The following RAB7B variants were observed in gnomAD, a reference collection of about 807,000 sequenced individuals.
RAB7B encodes the protein ras-related protein Rab-7b.
intron 1 of RAB7B, among the ~76,000 whole-genome samples, chr1:205,998,019 C>T (rs1252890553): frequency 2.0e-5 from 3 of 152,150 alleles, no homozygotes; most frequent in Non-Finnish European, 4.4e-5. Context: ...CTCACCCAAG[C>T]CTGCACAGGG....
intron 1 of RAB7B, among the ~76,000 whole-genome samples, chr1:206,001,939 C>T (rs1660899430): frequency 6.6e-6 from 1 of 152,168 alleles, no homozygotes. Context: ...TCTTCTGTCG[C>T]ATCTGCATTG....
At chr1:206,002,810 G>A (rs977875561) in intron 1 of RAB7B, among the ~76,000 whole-genome samples, 70 of 152,262 alleles carry the variant, frequency 4.6e-4, no homozygotes, top group Middle Eastern at 3.4e-3. Context: ...CTACTCCAGG[G>A]GCCAAGCTTC....
chr1:205,983,441 C>T (rs989039876), intron 5 of RAB7B, among the ~76,000 whole-genome samples: 1 of 152,188 alleles, frequency 6.6e-6, no homozygotes, highest in African/African-American at 2.4e-5. Flanking sequence ...TCACACCCCC[C>T]ACAGCACTCA....
intron 5 of RAB7B, 90 bp downstream of exon 5, chr1:205,985,450 C>T: frequency 2.5e-6 from 1 of 397,878 alleles, no homozygotes; most frequent in African/African-American, 2.1e-5. Flanking sequence ...ACATCCCTGC[C>T]CACACCCAAG....
Position 205,978,882 on chromosome 1 carries a change from G to A in RAB7B, c.569C>T (p.Ser190Leu), listed in dbSNP as rs1660434986. Residue 190 changes from serine to leucine, a missense_variant, in exon 6 of 6, where the codon TCG becomes TTG. By Grantham distance (145) the Ser-to-Leu change is moderately radical (BLOSUM62 -2). Coordinates refer to ENST00000617070, the MANE Select transcript of RAB7B (RefSeq NM_001164522.3). The part of the protein sequence containing the change: ...ENHLTESIKL[S>L]PDQSRSRCC ...GCATCTGCTCCTTGACTGGTCTGGC[G>A]AGAGCTTGATGGATTCTGTGAGGTG... The A allele has an allele frequency of 1.3e-5, 5 of 398,644 alleles. No homozygotes were observed. Among genetic ancestry groups the A allele is most frequent in the Non-Finnish European group, 4.4e-6 (1 of 226,208 alleles). The allele number at this position is 398,644 out of a possible 1,614,324, so 24.7% of individuals were successfully genotyped here.
chr1:205,989,245 C>T lies in RAB7B; in HGVS notation c.396+3235G>A, dbSNP rs894482129. 1.8e-3 allele frequency among the ~76,000 whole-genome samples: 277 copies of T among 152,264 alleles called. 4 individuals carry two copies. Among genetic ancestry groups the T allele is most frequent in the African/African-American group, 6.2e-3 (257 of 41,548 alleles). On this transcript the variant is annotated intron_variant, in intron 4 of 5. Coordinates refer to ENST00000617070, the MANE Select transcript of RAB7B (RefSeq NM_001164522.3). ...CCCCAGCGCCCCCTCTTGCCTTCCC[C>T]ACTGGGGCTATTTGCAGACTTTACT...
intron 5 of RAB7B, among the ~76,000 whole-genome samples, chr1:205,979,544 G>T (rs1660448571): frequency 3.9e-5 from 6 of 152,054 alleles, no homozygotes; most frequent in Admixed American, 3.9e-4. Flanking sequence ...CCAAGAGCCT[G>T]CCCCCCCTCC....
intron 4 of RAB7B, among the ~76,000 whole-genome samples, chr1:205,986,552 C>T (rs1660611749): frequency 6.6e-6 from 1 of 152,220 alleles, no homozygotes; most frequent in Non-Finnish European, 1.5e-5. Flanking sequence ...GGGTCAGGAG[C>T]TCAGCTCCTG....
At chr1:205,991,800 T>G (rs910279157) in intron 4 of RAB7B, among the ~76,000 whole-genome samples, 36,033 of 152,156 alleles carry the variant, frequency 0.24, 4,489 homozygotes, top group Non-Finnish European at 0.25. Flanking sequence ...CTTTTACAAA[T>G]TCAGTCTACC....
intron 3 of RAB7B, 79 bp from the exon 4 acceptor site, chr1:205,992,774 G>C (rs1053239508): frequency 5.0e-6 from 2 of 398,072 alleles, no homozygotes; most frequent in South Asian, 1.3e-4. Flanking sequence ...TCATGTCAAG[G>C]CTTCTTTTGC....
At chr1:205,984,730 C>A (rs1196428264) in intron 5 of RAB7B, among the ~76,000 whole-genome samples, 1 of 152,210 alleles carries the variant, frequency 6.6e-6, no homozygotes. Flanking sequence ...AATGTCATTG[C>A]CCCTTTCTGT....
chr1:205,996,385 T>G (rs932482059), intron 1 of RAB7B, among the ~76,000 whole-genome samples: 7 of 152,284 alleles, frequency 4.6e-5, no homozygotes, highest in African/African-American at 1.4e-4. Flanking sequence ...CCCCTGCTAC[T>G]TGGAAAAAGC....
At chr1:205,982,949 G>A in intron 5 of RAB7B, among the ~76,000 whole-genome samples, 1 of 152,294 alleles carries the variant, frequency 6.6e-6, no homozygotes, top group East Asian at 1.9e-4. Context: ...TTGTTTTTAT[G>A]TGAACGTTTC....
rs2102635611 is a variant in RAB7B at position 205,987,064 on chromosome 1, A to G, written c.397-1399T>C. On this transcript the variant is annotated intron_variant, in intron 4 of 5. Transcript: ENST00000617070. ...TTCCCTGCTCTCTGTTTGGTTTGGA[A>G]TGATTGCATACAGACTCTGAAATAT... is the stretch of plus-strand genomic sequence containing the variant. Among the ~76,000 whole-genome samples the G allele has an allele frequency of 2.0e-5, 3 of 152,264 alleles. No individual in the cohort carries two copies. In the East Asian group the frequency reaches 5.8e-4, roughly 29 times the overall value.
intron 4 of RAB7B, among the ~76,000 whole-genome samples, chr1:205,988,305 T>A (rs1363913776): frequency 1.4e-5 from 2 of 148,040 alleles, no homozygotes; most frequent in Non-Finnish European, 3.0e-5. Context: ...CTTGGCTCAC[T>A]GCAGCCTCTC....
chr1:205,986,464 C>G (rs1453917013), intron 4 of RAB7B, among the ~76,000 whole-genome samples: 1 of 152,224 alleles, frequency 6.6e-6, no homozygotes, highest in Non-Finnish European at 1.5e-5. Flanking sequence ...CAGTGCTCCC[C>G]CTGGCATCTG....
chr1:205,996,218 T>C (rs1480035887), intron 1 of RAB7B, among the ~76,000 whole-genome samples: 1 of 151,488 alleles, frequency 6.6e-6, no homozygotes, highest in Non-Finnish European at 1.5e-5. Flanking sequence ...GTAGGATACA[T>C]GCTTAACTGG....
rs1033402418 is a variant in RAB7B, at chr1:205,978,658, C to T, written c.*193G>A. The T allele has an allele frequency of 3.9e-5, 15 of 387,632 alleles. No individual in the cohort carries two copies. Among genetic ancestry groups the T allele is most frequent in the African/African-American group, 1.6e-4 (8 of 48,496 alleles). The allele number at this position is 387,632 out of a possible 1,614,324, so 24.0% of individuals were successfully genotyped here. On this transcript the variant is annotated 3_prime_UTR_variant, in exon 6 of 6. Coordinates refer to ENST00000617070, the MANE Select transcript of RAB7B (RefSeq NM_001164522.3). ...ATCCAGACGCTCTCACTATACTCAG[C>T]CTGAGCCAGGGGCTGCCCTCTGACT...
At chr1:205,985,420 T>C (rs1660573766) in intron 5 of RAB7B, 120 bp downstream of exon 5, 1 of 397,116 alleles carries the variant, frequency 2.5e-6, no homozygotes, top group South Asian at 1.4e-4. Flanking sequence ...ACTGAGACGA[T>C]GAGCAATCCT....
Sources: allele counts gnomAD v4.1 joint callset (sites outside exome capture counted in the v4.1 genomes callset), GRCh38; gene constraint gnomAD v4.1.1; transcripts MANE v1.5; gene names NCBI Gene and HGNC (gene_info 2026-07-23, HGNC 2026-07-21).